Variants in SSR3 observed in about 807,000 individuals in gnomAD.
The protein encoded by SSR3 is signal sequence receptor subunit 3.
A neutral mutation model predicts 22.1 loss-of-function variants in SSR3; 10 were observed. The observed-to-expected ratio is 0.45, with a 90% confidence interval of 0.28 to 0.77. The LOEUF (loss-of-function observed/expected upper bound fraction) is 0.77. Among genes scored for constraint, SSR3 ranks in the 30% least tolerant of loss-of-function variants. The pLI, the probability that SSR3 is intolerant of heterozygous loss-of-function variation, is 0.13. For synonymous variants in SSR3, 104 were observed against 82.5 expected, an observed-to-expected ratio of 1.26 and a Z score of -1.42; for missense variants, 181 against 220.5, an observed-to-expected ratio of 0.82 and a Z score of 1.13.
At position 156,555,098 on chromosome 3, in the gene SSR3, T is replaced by C. The variant is rs560847431; in HGVS notation, c.-9A>G. 1.2e-6 allele frequency: 2 copies of C among 1,612,792 alleles called. No homozygotes were observed. Among genetic ancestry groups the C allele is most frequent in the South Asian group, 1.1e-5 (1 of 91,082 alleles). On this transcript the variant is annotated 5_prime_UTR_variant, in exon 1 of 5. Coordinates refer to ENST00000265044, the MANE Select transcript of SSR3 (RefSeq NM_007107.5). ...CTGCCTTTAGGAGCCATGGCGGAGC[T>C]GCAGGCGAGAACAGGGAACGTAGAG...
rs1719558054 is a variant in SSR3, at chr3:156,542,096, G to A, written c.*1107C>T. The A allele has an allele frequency of 6.6e-6, 1 of 152,182 alleles. No homozygotes were observed. Among genetic ancestry groups the A allele is most frequent in the Admixed American group, 6.5e-5 (1 of 15,270 alleles). 9.4% of individuals were successfully genotyped at this position (152,182 alleles called of 1,614,324 possible). ...CCTGTGATTTCATATCCTTTTAGCT[G>A]ATATTGCTAAAGAGCTTCCCAAACT... On this transcript the variant is annotated 3_prime_UTR_variant, in exon 5 of 5. Coordinates refer to ENST00000265044, the MANE Select transcript of SSR3 (RefSeq NM_007107.5).
At chr3:156,544,189 T>G (rs974814939) in intron 4 of SSR3, 119 bp downstream of exon 4, 33 of 838,928 alleles carry the variant, frequency 3.9e-5, no homozygotes, top group Non-Finnish European at 5.3e-5. Context: ...TCAGCACTAT[T>G]TAATGGACTG....
chr3:156,542,166 C>T lies in SSR3; in HGVS notation c.*1037G>A, dbSNP rs1454284508. On this transcript the variant is annotated 3_prime_UTR_variant, in exon 5 of 5. Transcript: ENST00000265044. ...ACAAGAAATGATATCTGTACATACA[C>T]GGGTAAAAAAATGCAAGAGATTGCT... The T allele has an allele frequency of 2.6e-5, 4 of 152,132 alleles. No individual in the cohort carries two copies. The highest frequency in any genetic ancestry group is 1.5e-5 in the Non-Finnish European group (1 of 68,014). 9.4% of individuals were successfully genotyped at this position (152,132 alleles called of 1,614,324 possible). A position where few individuals can be genotyped will look rare whatever the true frequency, so the allele number is the denominator to read the frequency against.
At chr3:156,553,608 A>G (rs1326725873) in intron 2 of SSR3, 47 bp downstream of exon 2, 1 of 1,572,026 alleles carries the variant, frequency 6.4e-7, no homozygotes, top group African/African-American at 1.4e-5. Flanking sequence ...GAAGACATAT[A>G]AAAATATAAC....
intron 2 of SSR3, among the ~76,000 whole-genome samples, chr3:156,552,696 C>T (rs561754757): frequency 1.3e-5 from 2 of 152,306 alleles, no homozygotes; most frequent in South Asian, 4.1e-4. Flanking sequence ...GGGAAATAAT[C>T]CTGCTATCCC....
At chr3:156,550,786 T>G (rs956001726) in intron 2 of SSR3, among the ~76,000 whole-genome samples, 14 of 152,242 alleles carry the variant, frequency 9.2e-5, no homozygotes, top group Admixed American at 6.5e-5. Flanking sequence ...AAGGGCTCTC[T>G]TAGCCCCAAC....
intron 2 of SSR3, among the ~76,000 whole-genome samples, chr3:156,551,200 C>G (rs1719940050): frequency 6.6e-6 from 1 of 151,826 alleles, no homozygotes; most frequent in South Asian, 2.1e-4. Flanking sequence ...TTTTACTGAA[C>G]TAAATGTACC....
At position 156,550,350 on chromosome 3, in the gene SSR3, AACAGTCAACCG is replaced by A. The variant is rs1302149980; in HGVS notation, c.261-1358_261-1348del. On this transcript the variant is annotated intron_variant, in intron 2 of 4. Transcript: ENST00000265044. ...GTTGTCACTATGTGTCTTTAGGACGAACAGTCAACCGATTGTCCACATGATAAATCCTCATG... is the reference window on the plus strand; with the variant it reads ...GTTGTCACTATGTGTCTTTAGGACGAATTGTCCACATGATAAATCCTCATG... Among the ~76,000 whole-genome samples, 15 of 152,232 alleles carry A rather than the reference AACAGTCAACCG, an allele frequency of 9.9e-5. 1 individual carries two copies. Among genetic ancestry groups the A allele is most frequent in the Non-Finnish European group, 1.5e-5 (1 of 68,036 alleles).
intron 3 of SSR3, 65 bp downstream of exon 3, chr3:156,548,840 A>C (rs1719848809): frequency 1.3e-6 from 2 of 1,578,086 alleles, no homozygotes; most frequent in Non-Finnish European, 1.7e-6. Context: ...CTTTAAGCAA[A>C]AATCAAAAAA....
In SSR3 at chr3:156,542,483, C is replaced by T. The variant is rs977221476; in HGVS notation, c.*720G>A. 2.0e-5 allele frequency: 3 copies of T among 152,218 alleles called. No homozygotes were observed. Among genetic ancestry groups the T allele is most frequent in the Non-Finnish European group, 4.4e-5 (3 of 68,052 alleles). 9.4% of individuals were successfully genotyped at this position (152,218 alleles called of 1,614,324 possible). A position where few individuals can be genotyped will look rare whatever the true frequency, so the allele number is the denominator to read the frequency against. Reference sequence around the variant, plus strand: ...GATTCCTGTGTCTTAGTAAGTCAAACCAACATGGCAGGGTCAAGTTGACCT... The same window carrying T: ...GATTCCTGTGTCTTAGTAAGTCAAATCAACATGGCAGGGTCAAGTTGACCT... On this transcript the variant is annotated 3_prime_UTR_variant, in exon 5 of 5. Transcript: ENST00000265044.
intron 1 of SSR3, 130 bp downstream of exon 1, chr3:156,554,827 C>G: frequency 7.9e-7 from 1 of 1,259,318 alleles, no homozygotes; most frequent in East Asian, 2.5e-5. Context: ...TCCCCGAGCT[C>G]AGGGGAGCTG....
At chr3:156,554,024 C>G (rs1720061767) in intron 1 of SSR3, 1 of 329,546 alleles carries the variant, frequency 3.0e-6, no homozygotes, top group African/African-American at 2.1e-5. Flanking sequence ...GAGATTTCAA[C>G]TTCTAAAATG....
At chr3:156,548,112 C>T (rs1450785956) in intron 3 of SSR3, among the ~76,000 whole-genome samples, 2 of 152,224 alleles carry the variant, frequency 1.3e-5, no homozygotes, top group African/African-American at 2.4e-5. Context: ...AAAGCATCTT[C>T]TTGATACTGA....
In SSR3 at chr3:156,541,464, GC is replaced by G. The variant is rs917413716; in HGVS notation, c.*1738del. The stretch of plus-strand genomic sequence containing the variant: ...ATGGAGTCTCACCCTTGCCACCCAG[GC>G]AGTAGTAGCACGATCTCGACTCACC... On this transcript the variant is annotated 3_prime_UTR_variant, in exon 5 of 5. Coordinates refer to ENST00000265044, the MANE Select transcript of SSR3 (RefSeq NM_007107.5). 2 of 151,850 alleles carry G rather than the reference GC, an allele frequency of 1.3e-5. No homozygotes were observed. The highest frequency in any genetic ancestry group is 4.8e-5 in the African/African-American group (2 of 41,270). 9.4% of individuals were successfully genotyped at this position (151,850 alleles called of 1,614,324 possible).
rs1245614847 is a variant in SSR3 at position 156,542,027 on chromosome 3, T to G, written c.*1176A>C. ...GTAAAGATTAGGACTATATTTCCTT[T>G]GGGGTGCTGCTTGTAGGAAATTACT... On this transcript the variant is annotated 3_prime_UTR_variant, in exon 5 of 5. Transcript: ENST00000265044. 1 of 152,230 alleles carries G rather than the reference T, an allele frequency of 6.6e-6. No individual in the cohort carries two copies. Among genetic ancestry groups the G allele is most frequent in the Non-Finnish European group, 1.5e-5 (1 of 68,030 alleles). 9.4% of individuals were successfully genotyped at this position (152,230 alleles called of 1,614,324 possible).
intron 3 of SSR3, among the ~76,000 whole-genome samples, chr3:156,545,129 G>T (rs1164674782): frequency 3.9e-5 from 6 of 152,114 alleles, no homozygotes; most frequent in Non-Finnish European, 8.8e-5. Flanking sequence ...GTGAATAAGG[G>T]AGCCTTCATT....
intron 2 of SSR3, among the ~76,000 whole-genome samples, chr3:156,552,038 C>T (rs1389134632): frequency 1.3e-5 from 2 of 152,092 alleles, no homozygotes; most frequent in Non-Finnish European, 2.9e-5. Flanking sequence ...CGGCAGCTCA[C>T]GCCTATAATC....
In SSR3 at chr3:156,541,902, T is replaced by C. The variant is rs183988063; in HGVS notation, c.*1301A>G. 43 of 152,280 alleles carry C rather than the reference T, an allele frequency of 2.8e-4. No homozygotes were observed. Among genetic ancestry groups the C allele is most frequent in the African/African-American group, 9.4e-4 (39 of 41,574 alleles). 9.4% of individuals were successfully genotyped at this position (152,280 alleles called of 1,614,324 possible). ...ATGGAGCCCAACACATCCGATAGCA[T>C]GGAAGTGGAAGTTAAACTCCCGATG... On this transcript the variant is annotated 3_prime_UTR_variant, in exon 5 of 5. Transcript: ENST00000265044.
intron 4 of SSR3, 69 bp from the exon 5 acceptor site, chr3:156,543,338 C>T (rs1028677838): frequency 1.2e-5 from 15 of 1,222,440 alleles, no homozygotes; most frequent in Non-Finnish European, 1.7e-5. Context: ...ATAAAGAGCC[C>T]ATCTCTTTGG....
Sources: allele counts gnomAD v4.1 joint callset (sites outside exome capture counted in the v4.1 genomes callset), GRCh38; gene constraint gnomAD v4.1.1; transcripts MANE v1.5; gene names NCBI Gene and HGNC (gene_info 2026-07-23, HGNC 2026-07-21).